Variants in MGAT4D observed in about 807,000 individuals in gnomAD.
The protein encoded by MGAT4D is MGAT4 family member D, also known as alpha-1,3-mannosyl-glycoprotein 4-beta-N-acetylglucosaminyltransferase-like protein MGAT4D.
MGAT4D carries 34 observed loss-of-function variants against 15.9 expected under a neutral mutation model. The observed-to-expected ratio is 2.14, with a 90% CI of 1.62 to 2.84. MGAT4D has a LOEUF of 2.84. Ranked by LOEUF, MGAT4D falls within the 30% of genes most tolerant of loss-of-function variation. The pLI, the probability that MGAT4D is intolerant of heterozygous loss-of-function variation, is 0.00. For missense variants in MGAT4D, 327 were observed against 140.2 expected, an observed-to-expected ratio of 2.33 and a Z score of -6.73; for synonymous variants, 112 against 48.2, an observed-to-expected ratio of 2.33 and a Z score of -5.49.
chr4:140,444,556 C>CT (rs1046275414), intron 10 of MGAT4D, among the ~76,000 whole-genome samples: 26 of 152,140 alleles, frequency 1.7e-4, no homozygotes, highest in African/African-American at 6.3e-4. Flanking sequence ...TGATCTCGTT[C>CT]TTTTTTATGG....
At chr4:140,460,073 C>A (rs1731074439) in intron 7 of MGAT4D, among the ~76,000 whole-genome samples, 1 of 152,054 alleles carries the variant, frequency 6.6e-6, no homozygotes, top group African/African-American at 2.4e-5. Context: ...CACCCTGCTC[C>A]ATGTTTGATT....
In MGAT4D at chr4:140,443,500, T is replaced by C. The variant is rs1167705280; in HGVS notation, c.1117-56A>G. 3 of 489,410 alleles carry C rather than the reference T, an allele frequency of 6.1e-6. No individual in the cohort carries two copies. In the Admixed American group the frequency reaches 1.1e-4, roughly 18 times the overall value. 30.3% of individuals were successfully genotyped at this position (489,410 alleles called of 1,614,324 possible). A position where few individuals can be genotyped will look rare whatever the true frequency, so the allele number is the denominator to read the frequency against. On this transcript the variant is annotated intron_variant, in intron 10 of 10. Transcript: ENST00000511113. ...GAAATAATATATTAATTCATAAAGA[T>C]GAAATTATTTTCATAGCAATTTCTT...
Position 140,443,259 on chromosome 4 carries a change from T to TC in MGAT4D, c.*176_*177insG, listed in dbSNP as rs1729883506. On this transcript the variant is annotated 3_prime_UTR_variant, in exon 11 of 11. Transcript: ENST00000511113. ...TAATAGGGTAAAAGCAATATAAATG[T>TC]TCTACCTTGTCTTGACATAAGAAGT... 2 of 289,354 alleles carry TC rather than the reference T, an allele frequency of 6.9e-6. No individual in the cohort carries two copies. The highest frequency in any genetic ancestry group is 6.3e-6 in the Non-Finnish European group (1 of 157,932). The allele number at this position is 289,354 out of a possible 1,614,324, so 17.9% of individuals were successfully genotyped here.
intron 1 of MGAT4D, among the ~76,000 whole-genome samples, chr4:140,484,252 C>CA (rs1732942620): frequency 6.6e-6 from 1 of 151,936 alleles, no homozygotes; most frequent in Non-Finnish European, 1.5e-5. Flanking sequence ...AGATATTTGT[C>CA]AAAACAAGAC....
intron 10 of MGAT4D, among the ~76,000 whole-genome samples, chr4:140,446,743 G>GTTTTTTT (rs149442061): frequency 1.2e-4 from 1 of 8,170 alleles, no homozygotes; most frequent in African/African-American, 5.0e-4. Flanking sequence ...TGCTTCTCTA[G>GTTTTTTT]TTTTTTTTTT....
At chr4:140,466,684 G>A (rs1309558010) in intron 5 of MGAT4D, among the ~76,000 whole-genome samples, 1 of 152,116 alleles carries the variant, frequency 6.6e-6, no homozygotes, top group Non-Finnish European at 1.5e-5. Context: ...TAAAGGTCAT[G>A]GAACAATTGT....
At chr4:140,479,659 T>C in intron 2 of MGAT4D, 32 bp from the exon 3 acceptor site, 1 of 399,902 alleles carries the variant, frequency 2.5e-6, no homozygotes. Context: ...TCTGAGTATA[T>C]GATCATAGGG....
chr4:140,445,029 G>A (rs769255595), intron 10 of MGAT4D, among the ~76,000 whole-genome samples: 2 of 150,242 alleles, frequency 1.3e-5, no homozygotes, highest in Non-Finnish European at 3.0e-5. Context: ...TTACAGGCAC[G>A]TGCCACCACG....
intron 10 of MGAT4D, among the ~76,000 whole-genome samples, chr4:140,449,302 A>T (rs1041045565): frequency 6.6e-6 from 1 of 152,246 alleles, no homozygotes; most frequent in Non-Finnish European, 1.5e-5. Context: ...CAATCTAGGC[A>T]AATTTCAAAA....
chr4:140,491,470 T>A (rs1233845829), intron 1 of MGAT4D, among the ~76,000 whole-genome samples: 1 of 151,798 alleles, frequency 6.6e-6, no homozygotes, highest in Non-Finnish European at 1.5e-5. Context: ...TGCTGCCAGA[T>A]GAAAAGGGGC....
chr4:140,475,533 G>A (rs1234597739), intron 3 of MGAT4D, among the ~76,000 whole-genome samples: 1 of 151,802 alleles, frequency 6.6e-6, no homozygotes, highest in Non-Finnish European at 1.5e-5. Flanking sequence ...CTGGCCATAT[G>A]GGCTTAGGCA....
chr4:140,462,440 T>G (rs1402990134), intron 6 of MGAT4D: 1 of 153,100 alleles, frequency 6.5e-6, no homozygotes, highest in Non-Finnish European at 1.5e-5. Context: ...TGCTACAGAG[T>G]ATTAATATTT....
chr4:140,463,171 G>C (rs1190618374), intron 6 of MGAT4D, among the ~76,000 whole-genome samples: 2 of 152,150 alleles, frequency 1.3e-5, no homozygotes, highest in Non-Finnish European at 2.9e-5. Flanking sequence ...GAAGAGCCCT[G>C]TAGGCACTCC....
intron 10 of MGAT4D, among the ~76,000 whole-genome samples, chr4:140,448,587 G>C (rs954115102): frequency 6.6e-6 from 1 of 152,106 alleles, no homozygotes; most frequent in Admixed American, 6.6e-5. Flanking sequence ...TATTTTATCT[G>C]TCAGCTCCTG....
Position 140,443,095 on chromosome 4 carries a change from C to T in MGAT4D, c.*341G>A, listed in dbSNP as rs1729875993. ...ACGGCATATACCAATTCACCCCAAACTTCTCCCTGACAATAGCAAGCTTTC... is the reference window on the plus strand; with the variant it reads ...ACGGCATATACCAATTCACCCCAAATTTCTCCCTGACAATAGCAAGCTTTC... On this transcript the variant is annotated 3_prime_UTR_variant, in exon 11 of 11. Coordinates refer to ENST00000511113, the MANE Select transcript of MGAT4D (RefSeq NM_001277353.2). 6.3e-6 allele frequency: 1 copy of T among 158,230 alleles called. No homozygotes were observed. Among genetic ancestry groups the T allele is most frequent in the African/African-American group, 2.4e-5 (1 of 41,766 alleles). The allele number at this position is 158,230 out of a possible 1,614,324, so 9.8% of individuals were successfully genotyped here. A position where few individuals can be genotyped will look rare whatever the true frequency, so the allele number is the denominator to read the frequency against.
chr4:140,481,705 G>A (rs1425046377), intron 2 of MGAT4D, among the ~76,000 whole-genome samples: 2 of 152,176 alleles, frequency 1.3e-5, no homozygotes, highest in Admixed American at 6.5e-5. Flanking sequence ...GTTTCAAAGG[G>A]TTACACATTG....
chr4:140,462,236 A>T (rs1332566149), intron 6 of MGAT4D, among the ~76,000 whole-genome samples: 7 of 152,220 alleles, frequency 4.6e-5, no homozygotes, highest in Non-Finnish European at 7.4e-5. Flanking sequence ...GGATAAGCAC[A>T]ACCCATTTGT....
At position 140,498,149 on chromosome 4, in the gene MGAT4D, A is replaced by T. The variant is rs1578737452; in HGVS notation, c.74T>A (p.Ile25Asn). 3 of 702,608 alleles carry T rather than the reference A, an allele frequency of 4.3e-6. No individual in the cohort carries two copies. In the East Asian group the frequency reaches 8.1e-5, roughly 19 times the overall value. 43.5% of individuals were successfully genotyped at this position (702,608 alleles called of 1,614,324 possible). The change falls in exon 1 of 11, where the codon ATC becomes AAC. Residue 25 changes from isoleucine (I) to asparagine (N), a missense_variant. By Grantham distance (149) the Ile-to-Asn change is moderately radical (BLOSUM62 -3). Transcript: ENST00000511113. The stretch of plus-strand genomic sequence containing the variant: ...CTTACTGGTTTGAGTTATCCTGTAG[A>T]TGGAGAAGCAAGAGAAGCTGAACAA... The part of the protein sequence containing the change: ...VALFSFSCFS[I>N]YRITQTNNQL...
chr4:140,488,703 T>G (rs1456920681), intron 1 of MGAT4D, among the ~76,000 whole-genome samples: 1 of 152,176 alleles, frequency 6.6e-6, no homozygotes, highest in East Asian at 1.9e-4. Flanking sequence ...TGATATAGTT[T>G]GAATATCTAT....
Sources: gnomAD v4.1 joint callset for allele counts (sites outside exome capture counted in the v4.1 genomes callset) on GRCh38, gnomAD v4.1.1 for gene constraint, MANE v1.5 for transcripts, NCBI Gene and HGNC (gene_info 2026-07-23, HGNC 2026-07-21) for gene names.